The following SYAP1 variants were observed in gnomAD, a reference collection of about 807,000 sequenced individuals.
SYAP1 encodes synapse associated protein 1, also known as synapse-associated protein 1.
SYAP1 carries 3 observed loss-of-function variants against 29.6 expected under a neutral mutation model. The observed-to-expected ratio is 0.10, with a 90% confidence interval of 0.05 to 0.26. The LOEUF (loss-of-function observed/expected upper bound fraction) is 0.26, where lower values mean the gene tolerates loss of function less well. SYAP1 is among the 10% of genes least tolerant of loss of function. The probability of loss-of-function intolerance (pLI) is 1.00; values close to 1 mark genes in which losing one functional copy is unlikely to be tolerated. For synonymous variants in SYAP1, 102 were observed against 102.7 expected (o/e 0.99, Z 0.04); for missense variants, 217 against 264.1 (o/e 0.82, Z 1.24).
intron 8 of SYAP1, 24 bp from the exon 9 acceptor site, chrX:16,760,205 CTTT>C (rs2147440286): frequency 1.7e-6 from 2 of 1,152,561 alleles, no homozygotes; most frequent in East Asian, 6.3e-5. Context: ...CAGAGAGAAT[CTTT>C]TTCTTCTCCT....
intron 1 of SYAP1, among the ~76,000 whole-genome samples, chrX:16,730,456 G>T (rs1164630013): frequency 2.7e-5 from 3 of 112,516 alleles, no homozygotes; most frequent in Non-Finnish European, 5.6e-5. Context: ...TGAAAACCTT[G>T]GTAAGTTTGG....
At chrX:16,731,148 G>A (rs1926196945) in intron 1 of SYAP1, among the ~76,000 whole-genome samples, 1 of 111,039 alleles carries the variant, frequency 9.0e-6, no homozygotes, top group Admixed American at 9.7e-5. Context: ...ACAAAAATTA[G>A]TTACCCTTTA....
chrX:16,744,872 G>A (rs996979874), intron 5 of SYAP1, among the ~76,000 whole-genome samples: 46 of 112,165 alleles, frequency 4.1e-4, no homozygotes, highest in African/African-American at 1.5e-3. Flanking sequence ...AAGCTGAGGC[G>A]GGAGGAACAC....
At chrX:16,754,472 G>A (rs1371766387) in intron 5 of SYAP1, among the ~76,000 whole-genome samples, 3 of 111,949 alleles carry the variant, frequency 2.7e-5, no homozygotes, top group Non-Finnish European at 5.6e-5. Flanking sequence ...GCTCACGCCT[G>A]TAATCCCAGC....
intron 3 of SYAP1, among the ~76,000 whole-genome samples, chrX:16,740,166 AG>A (rs1926425835): frequency 1.8e-5 from 2 of 110,769 alleles, no homozygotes; most frequent in African/African-American, 6.6e-5. Context: ...ACCTCTCCAG[AG>A]GGTTGTCATT....
rs924242549 is a variant in SYAP1 at position 16,764,793 on chromosome X, T to C, written c.*4434T>C. 1 of 107,077 alleles carries C rather than the reference T, an allele frequency of 9.3e-6. No individual in the cohort carries two copies. The highest frequency in any genetic ancestry group is 1.9e-5 in the Non-Finnish European group (1 of 51,681). The allele number at this position is 107,077 out of a possible 1,213,427, so 8.8% of individuals were successfully genotyped here. Reference sequence around the variant, plus strand: ...CACTGCAGCCTCCGCCTCCCAGGCTTAAGGGATCCTCCCTCCTCAGCCTCC... The same window carrying C: ...CACTGCAGCCTCCGCCTCCCAGGCTCAAGGGATCCTCCCTCCTCAGCCTCC... On this transcript the variant is annotated 3_prime_UTR_variant, in exon 9 of 9. Coordinates refer to ENST00000380155, the MANE Select transcript of SYAP1 (RefSeq NM_032796.4).
chrX:16,736,422 T>G, intron 3 of SYAP1, 190 bp downstream of exon 3: 1 of 372,998 alleles, frequency 2.7e-6, no homozygotes, highest in East Asian at 4.2e-5. Context: ...ACTAGATTGT[T>G]TCTGGGTGAG....
chrX:16,719,869 G>C lies in SYAP1; in HGVS notation c.145G>C (p.Glu49Gln). The part of the protein sequence containing the change: ...EEELQQAGDQ[E>Q]LLHQAKDFGN... ...GGAGCTGCAGCAAGCGGGAGACCAG[G>C]AGCTCCTCCACCAGGCCAAAGACTT... The change falls in exon 1 of 9, where the codon GAG becomes CAG. Residue 49 changes from glutamate (E) to glutamine (Q), a missense_variant. Glu to Gln is a conservative substitution (Grantham distance 29). Transcript: ENST00000380155. 1 of 1,193,570 alleles carries C rather than the reference G, an allele frequency of 8.4e-7. No individual in the cohort carries two copies. Among genetic ancestry groups the C allele is most frequent in the Non-Finnish European group, 1.1e-6 (1 of 886,702 alleles).
Position 16,762,047 on chromosome X carries a change from G to A in SYAP1, c.*1688G>A, listed in dbSNP as rs1386809021. 8.9e-6 allele frequency: 1 copy of A among 112,078 alleles called. No individual in the cohort carries two copies. The highest frequency in any genetic ancestry group is 1.9e-5 in the Non-Finnish European group (1 of 53,298). 9.2% of individuals were successfully genotyped at this position (112,078 alleles called of 1,213,427 possible). On this transcript the variant is annotated 3_prime_UTR_variant, in exon 9 of 9. Transcript: ENST00000380155. ...AAACCACTGGGCCCATCATCAAAAG[G>A]TTTCCACTTGTGGTGCCACAGTTGC...
In SYAP1 at chrX:16,762,396, C is replaced by A. The variant is rs1927004832; in HGVS notation, c.*2037C>A. 9.0e-6 allele frequency: 1 copy of A among 111,288 alleles called. No individual in the cohort carries two copies. The highest frequency in any genetic ancestry group is 3.3e-5 in the African/African-American group (1 of 30,564). The allele number at this position is 111,288 out of a possible 1,213,427, so 9.2% of individuals were successfully genotyped here. A position where few individuals can be genotyped will look rare whatever the true frequency, so the allele number is the denominator to read the frequency against. ...TACATAATATCTCATTTAAAAACAA[C>A]CTAATTATGCATTGCCTGTGAAAAT... On this transcript the variant is annotated 3_prime_UTR_variant, in exon 9 of 9. Transcript: ENST00000380155.
At chrX:16,732,099 C>T (rs1041694495) in intron 1 of SYAP1, among the ~76,000 whole-genome samples, 3 of 112,219 alleles carry the variant, frequency 2.7e-5, no homozygotes, top group Non-Finnish European at 3.8e-5. Context: ...CTGGCAACTC[C>T]GAAGACATTT....
chrX:16,741,064 A>G (rs1569249922), intron 3 of SYAP1, among the ~76,000 whole-genome samples: 2 of 110,637 alleles, frequency 1.8e-5, no homozygotes, highest in African/African-American at 6.6e-5. Flanking sequence ...AGCATACTAC[A>G]TAGGTGATGA....
At chrX:16,751,030 G>C (rs1926718479) in intron 5 of SYAP1, among the ~76,000 whole-genome samples, 1 of 108,986 alleles carries the variant, frequency 9.2e-6, no homozygotes. Flanking sequence ...GCCTCCTAAA[G>C]TGCTGGAATT....
At position 16,764,661 on chromosome X, in the gene SYAP1, C is replaced by G. The variant is rs1230481694; in HGVS notation, c.*4302C>G. The stretch of plus-strand genomic sequence containing the variant: ...ACAGGCATGAGCCACCATGCCCAGC[C>G]AGTTTTTCAACTTTTAAAAATAAAA... On this transcript the variant is annotated 3_prime_UTR_variant, in exon 9 of 9. Transcript: ENST00000380155. The G allele has an allele frequency of 9.2e-6, 1 of 108,742 alleles. No homozygotes were observed. Among genetic ancestry groups the G allele is most frequent in the East Asian group, 2.9e-4 (1 of 3,424 alleles). 9.0% of individuals were successfully genotyped at this position (108,742 alleles called of 1,213,427 possible).
At position 16,723,024 on chromosome X, in the gene SYAP1, T is replaced by C. The variant is rs185326475; in HGVS notation, c.175+3125T>C. Among the ~76,000 whole-genome samples the C allele has an allele frequency of 1.3e-3, 146 of 112,733 alleles. 2 individuals carry two copies. Among genetic ancestry groups the C allele is most frequent in the Non-Finnish European group, 1.3e-3 (70 of 53,394 alleles). On this transcript the variant is annotated intron_variant, in intron 1 of 8. Transcript: ENST00000380155. ...GGATGGCCAAAGATGAGCTTTGTGATCTTTAGCTTTTTCTAAACCGCCCCT... is the reference window on the plus strand; with the variant it reads ...GGATGGCCAAAGATGAGCTTTGTGACCTTTAGCTTTTTCTAAACCGCCCCT...
rs767827010 is a variant in SYAP1, at chrX:16,741,742, A to G, written c.388A>G (p.Thr130Ala). ...SEAAVPPWVD[T>A]NDEETIQQQI... ...AGCAGCTGTGCCCCCATGGGTTGAC[A>G]CTAACGATGAAGAAACAATTCAACA... The change falls in exon 4 of 9, where the codon ACT becomes GCT. Residue 130 changes from threonine to alanine, a missense_variant. Physicochemically the swap from Thr to Ala is moderately conservative, Grantham distance 58 (BLOSUM62 0). Transcript: ENST00000380155. The G allele has an allele frequency of 5.8e-6, 7 of 1,205,421 alleles. No individual in the cohort carries two copies. Among genetic ancestry groups the G allele is most frequent in the Non-Finnish European group, 7.8e-6 (7 of 893,258 alleles).
At chrX:16,753,420 AAATAAT>A (rs1213082484) in intron 5 of SYAP1, among the ~76,000 whole-genome samples, 1 of 109,695 alleles carries the variant, frequency 9.1e-6, no homozygotes, top group East Asian at 2.9e-4. Context: ...TCTCAAAAAA[AAATAAT>A]AATAATTACC....
In SYAP1 at chrX:16,743,683, T is replaced by C. The variant is rs1569250568; in HGVS notation, c.436-18T>C. 2.5e-6 allele frequency: 3 copies of C among 1,206,861 alleles called. No homozygotes were observed. In the South Asian group the frequency reaches 5.3e-5, roughly 21 times the overall value. Reference sequence around the variant, plus strand: ...CATTTTGTGGAATACCCTGTGTTTTTTTCTTTTTTTATCAAAGGACAAGAG... The same window carrying C: ...CATTTTGTGGAATACCCTGTGTTTTCTTCTTTTTTTATCAAAGGACAAGAG... On this transcript the variant is annotated intron_variant, in intron 4 of 8. Coordinates refer to ENST00000380155, the MANE Select transcript of SYAP1 (RefSeq NM_032796.4).
chrX:16,747,056 T>C (rs1306740312), intron 5 of SYAP1, among the ~76,000 whole-genome samples: 1 of 111,644 alleles, frequency 9.0e-6, no homozygotes, highest in Non-Finnish European at 1.9e-5. Context: ...ACTCAAGTGA[T>C]TTTCCTGTCT....
Sources: gnomAD v4.1 joint callset for allele counts (sites outside exome capture counted in the v4.1 genomes callset) on GRCh38, gnomAD v4.1.1 for gene constraint, MANE v1.5 for transcripts, NCBI Gene and HGNC (gene_info 2026-07-23, HGNC 2026-07-21) for gene names.